Variants in ADAMTSL1 observed in about 807,000 individuals in gnomAD.
The protein encoded by ADAMTSL1 is ADAMTS-like protein 1.
In ADAMTSL1, 126 loss-of-function variants were observed where a neutral mutation model predicts 201.8. That is an observed-to-expected ratio of 0.62 (90% CI 0.54 to 0.72). The LOEUF (loss-of-function observed/expected upper bound fraction) is 0.72, where lower values mean the gene tolerates loss of function less well. Among genes scored for constraint, ADAMTSL1 ranks in the 30% least tolerant of loss-of-function variants. The pLI, the probability that ADAMTSL1 is intolerant of heterozygous loss-of-function variation, is 0.00. For synonymous variants in ADAMTSL1, 1,121 were observed against 903.4 expected (o/e 1.24, Z -4.32); for missense variants, 2,679 against 2,277.8 (o/e 1.18, Z -3.59).
rs527488376 is a variant in ADAMTSL1, at chr9:18,412,232, A to T, written c.208-92597A>T. 3.3e-5 allele frequency among the ~76,000 whole-genome samples: 5 copies of T among 152,302 alleles called. No individual in the cohort carries two copies. The South Asian group carries it at 8.3e-4, about 25-fold the overall frequency. ...TCCGGCAAGAACACTTCATAAGTGGAACTGTGCTTTTCCTATTGCATCATA... is the reference window on the plus strand; with the variant it reads ...TCCGGCAAGAACACTTCATAAGTGGTACTGTGCTTTTCCTATTGCATCATA... On this transcript the variant is annotated intron_variant, in intron 2 of 29. Transcript: ENST00000680146.
intron 26 of ADAMTSL1, among the ~76,000 whole-genome samples, chr9:18,903,949 T>G (rs1399466645): frequency 7.3e-6 from 1 of 136,328 alleles, no homozygotes; most frequent in African/African-American, 2.8e-5. Flanking sequence ...TGAGATATAC[T>G]TCATGTTTTA....
intron 1 of ADAMTSL1, among the ~76,000 whole-genome samples, chr9:18,018,769 C>G (rs1820361817): frequency 6.6e-6 from 1 of 151,990 alleles, no homozygotes; most frequent in Non-Finnish European, 1.5e-5. Context: ...CTAGTTTGCA[C>G]CCAGATTCTT....
intron 5 of ADAMTSL1, among the ~76,000 whole-genome samples, chr9:18,625,866 CA>C (rs35733288): frequency 0.011 from 1,716 of 152,220 alleles, 14 homozygotes; most frequent in Middle Eastern, 0.034. Flanking sequence ...TCACTTATAT[CA>C]AGATAAAATT....
intron 2 of ADAMTSL1, among the ~76,000 whole-genome samples, chr9:18,439,627 A>G (rs1480418826): frequency 6.6e-6 from 1 of 152,164 alleles, no homozygotes; most frequent in East Asian, 1.9e-4. Flanking sequence ...GGTCTCCCAA[A>G]GTGCTGGGAT....
intron 2 of ADAMTSL1, among the ~76,000 whole-genome samples, chr9:18,516,075 C>T (rs1414355545): frequency 1.5e-5 from 2 of 130,202 alleles, no homozygotes; most frequent in Non-Finnish European, 3.3e-5. Context: ...GCTCCTCCCT[C>T]ACCTCAACTA....
At chr9:18,336,062 C>G (rs1232162051) in intron 2 of ADAMTSL1, among the ~76,000 whole-genome samples, 2 of 152,114 alleles carry the variant, frequency 1.3e-5, no homozygotes, top group Non-Finnish European at 2.9e-5. Flanking sequence ...GGTTTTATTT[C>G]ATTGCACATA....
intron 4 of ADAMTSL1, among the ~76,000 whole-genome samples, chr9:18,575,653 C>G (rs1407553636): frequency 1.3e-5 from 2 of 152,036 alleles, no homozygotes; most frequent in African/African-American, 2.4e-5. Context: ...GAATGGCAAA[C>G]AAAAGAATAA....
chr9:17,999,371 T>G (rs1403859041), intron 1 of ADAMTSL1, among the ~76,000 whole-genome samples: 1 of 152,022 alleles, frequency 6.6e-6, no homozygotes, highest in Non-Finnish European at 1.5e-5. Context: ...GCTGCTGTGA[T>G]GCTTCTCCCA....
At chr9:18,583,760 G>C (rs1218401391) in intron 4 of ADAMTSL1, among the ~76,000 whole-genome samples, 1 of 152,210 alleles carries the variant, frequency 6.6e-6, no homozygotes, top group Admixed American at 6.5e-5. Flanking sequence ...GAGTGATCCA[G>C]ATATGAGACA....
At chr9:18,875,792 A>G (rs1181947678) in intron 23 of ADAMTSL1, among the ~76,000 whole-genome samples, 1 of 152,010 alleles carries the variant, frequency 6.6e-6, no homozygotes, top group African/African-American at 2.4e-5. Flanking sequence ...GTTTAAGTTT[A>G]TTGTTTCTTT....
intron 2 of ADAMTSL1, among the ~76,000 whole-genome samples, chr9:18,527,897 A>G (rs1029655909): frequency 6.6e-5 from 10 of 152,172 alleles, no homozygotes; most frequent in African/African-American, 2.4e-4. Flanking sequence ...GCCCCCCTCA[A>G]GATGGAGTCT....
At chr9:18,351,738 G>T (rs1318103317) in intron 2 of ADAMTSL1, among the ~76,000 whole-genome samples, 1 of 152,118 alleles carries the variant, frequency 6.6e-6, no homozygotes, top group African/African-American at 2.4e-5. Context: ...TTCTAATTAG[G>T]AATATTTTCT....
chr9:18,428,378 G>T (rs1259398577), intron 2 of ADAMTSL1, among the ~76,000 whole-genome samples: 3 of 148,778 alleles, frequency 2.0e-5, no homozygotes. Context: ...TGGGAGGATT[G>T]CTTGAGGCCA....
Position 18,875,464 on chromosome 9 carries a change from T to G in ADAMTSL1, c.4250-12367T>G, listed in dbSNP as rs139219661. On this transcript the variant is annotated intron_variant, in intron 23 of 28. Coordinates refer to ENST00000380548, the MANE Select transcript of ADAMTSL1 (RefSeq NM_001040272.6). ...TGAAAGACTGTGTCACTATTATTAT[T>G]CAGTTCAAAGAATTTTTTAATTTCT... 5.0e-3 allele frequency among the ~76,000 whole-genome samples: 765 copies of G among 152,240 alleles called. 7 individuals are homozygous for G. Among genetic ancestry groups the G allele is most frequent in the African/African-American group, 0.017 (720 of 41,558 alleles).
intron 13 of ADAMTSL1, among the ~76,000 whole-genome samples, chr9:18,701,161 A>C (rs1432821546): frequency 6.6e-6 from 1 of 151,542 alleles, no homozygotes; most frequent in Non-Finnish European, 1.5e-5. Context: ...AAGACAACCT[A>C]GGAAGAATGC....
intron 2 of ADAMTSL1, among the ~76,000 whole-genome samples, chr9:18,416,819 T>C (rs544221357): frequency 1.2e-3 from 186 of 152,108 alleles, no homozygotes; most frequent in African/African-American, 4.4e-3. Context: ...AACAAATTCA[T>C]AAAGTCAGAG....
At chr9:17,963,431 A>G (rs551461287) in intron 1 of ADAMTSL1, among the ~76,000 whole-genome samples, 42 of 152,314 alleles carry the variant, frequency 2.8e-4, no homozygotes, top group South Asian at 1.2e-3. Context: ...TTAGAGAAAG[A>G]GCTATTTAAA....
intron 1 of ADAMTSL1, among the ~76,000 whole-genome samples, chr9:18,476,941 G>T (rs1235374726): frequency 1.3e-5 from 2 of 152,142 alleles, no homozygotes; most frequent in Non-Finnish European, 2.9e-5. Flanking sequence ...ACTTATTTCT[G>T]AGAGGATGGG....
intron 2 of ADAMTSL1, among the ~76,000 whole-genome samples, chr9:18,301,654 C>G (rs908404793): frequency 6.6e-6 from 1 of 152,154 alleles, no homozygotes; most frequent in African/African-American, 2.4e-5. Context: ...CGGGCTCCAG[C>G]TGACCTCTGG....
Sources: allele counts gnomAD v4.1 joint callset (sites outside exome capture counted in the v4.1 genomes callset), GRCh38; gene constraint gnomAD v4.1.1; transcripts MANE v1.5; gene names NCBI Gene and HGNC (gene_info 2026-07-23, HGNC 2026-07-21).